The following ARHGAP15 variants were observed in gnomAD, a reference collection of about 807,000 sequenced individuals.
ARHGAP15 encodes rho GTPase-activating protein 15.
Under a neutral mutation model 63.7 loss-of-function variants are expected in ARHGAP15, and 51 were observed. The ratio of observed to expected loss-of-function variants is 0.80; its 90% CI spans 0.64 to 1.01. The LOEUF is 1.01. ARHGAP15 is among the 50% of genes least tolerant of loss of function. The pLI is 0.00. For synonymous variants in ARHGAP15, 191 were observed against 193.8 expected (o/e 0.99, Z 0.12); for missense variants, 560 against 564.6 (o/e 0.99, Z 0.08).
intron 4 of ARHGAP15, among the ~76,000 whole-genome samples, chr2:143,217,630 GAAC>G (rs929447659): frequency 2.3e-4 from 35 of 152,058 alleles, no homozygotes; most frequent in African/African-American, 8.0e-4. Context: ...GGTTCTGAAG[GAAC>G]AACAGGAGGA....
At chr2:143,132,507 G>A (rs1573986835) in intron 1 of ARHGAP15, among the ~76,000 whole-genome samples, 1 of 152,204 alleles carries the variant, frequency 6.6e-6, no homozygotes, top group Admixed American at 6.5e-5. Flanking sequence ...CTTTTCCCCA[G>A]TCACCACAGC....
At chr2:143,237,918 G>T (rs940796694) in intron 5 of ARHGAP15, 1 of 151,892 alleles carries the variant, frequency 6.6e-6, no homozygotes, top group Non-Finnish European at 1.5e-5. Context: ...TTTTTAATCA[G>T]AGCCAACAAC....
intron 6 of ARHGAP15, among the ~76,000 whole-genome samples, chr2:143,399,440 T>C (rs1687906997): frequency 6.6e-6 from 1 of 152,136 alleles, no homozygotes; most frequent in East Asian, 1.9e-4. Flanking sequence ...AGGTTTCTTT[T>C]GTTGTTTAAT....
rs541767611 is a variant in ARHGAP15, at chr2:143,559,304, C to T, written c.1003+2819C>T. Among the ~76,000 whole-genome samples the T allele has an allele frequency of 7.2e-5, 11 of 152,282 alleles. No individual in the cohort carries two copies. The South Asian group carries it at 1.0e-3, about 14-fold the overall frequency. On this transcript the variant is annotated intron_variant, in intron 11 of 13. Transcript: ENST00000295095. Reference sequence around the variant, plus strand: ...ATGAAAATATGAAATCTGTCCATCTCGTCTTTTGCAATCCAAACTTCAGCG... The same window carrying T: ...ATGAAAATATGAAATCTGTCCATCTTGTCTTTTGCAATCCAAACTTCAGCG...
At chr2:143,742,346 G>A (rs989054027) in intron 13 of ARHGAP15, among the ~76,000 whole-genome samples, 3 of 152,186 alleles carry the variant, frequency 2.0e-5, no homozygotes, top group Non-Finnish European at 2.9e-5. Context: ...CAGGATATCC[G>A]TGCTTCCAGA....
chr2:143,453,967 C>A (rs992264822), intron 8 of ARHGAP15, among the ~76,000 whole-genome samples: 2 of 151,866 alleles, frequency 1.3e-5, no homozygotes, highest in Admixed American at 1.3e-4. Flanking sequence ...TAAACTTTGG[C>A]AATAGAATGT....
intron 2 of ARHGAP15, among the ~76,000 whole-genome samples, chr2:143,179,034 G>A (rs932823740): frequency 9.8e-5 from 15 of 152,294 alleles, no homozygotes; most frequent in African/African-American, 3.6e-4. Flanking sequence ...CCATGCTAAG[G>A]TGCATGCAAT....
chr2:143,612,364 T>A (rs1183615440), intron 11 of ARHGAP15, among the ~76,000 whole-genome samples: 1 of 152,212 alleles, frequency 6.6e-6, no homozygotes, highest in Non-Finnish European at 1.5e-5. Context: ...CACAGCCAGT[T>A]GCATCCAAAA....
chr2:143,696,623 A>G (rs1395339704), intron 12 of ARHGAP15, among the ~76,000 whole-genome samples: 1 of 152,174 alleles, frequency 6.6e-6, no homozygotes, highest in African/African-American at 2.4e-5. Flanking sequence ...ACTTATGCCA[A>G]TTAATTGGCC....
chr2:143,397,367 T>C (rs1687813800), intron 6 of ARHGAP15, among the ~76,000 whole-genome samples: 1 of 151,406 alleles, frequency 6.6e-6, no homozygotes. Flanking sequence ...TCTCCAACCT[T>C]AGTTTCATGT....
intron 8 of ARHGAP15, among the ~76,000 whole-genome samples, chr2:143,447,094 G>A (rs10172323): frequency 6.6e-6 from 1 of 152,062 alleles, no homozygotes; most frequent in African/African-American, 2.4e-5. Flanking sequence ...ACATACGTGT[G>A]CATGTGTCTT....
intron 12 of ARHGAP15, among the ~76,000 whole-genome samples, chr2:143,649,832 CAGAGCTCCA>C (rs66900745): frequency 0.25 from 37,886 of 151,498 alleles, 5,846 homozygotes; most frequent in Admixed American, 0.36. Flanking sequence ...AACTAGAACT[CAGAGCTCCA>C]CCCATTTTAC....
chr2:143,406,103 G>A lies in ARHGAP15; in HGVS notation c.475-29498G>A, dbSNP rs189613695. ...TCTTTTTCAATTGTACCAATGATGA[G>A]CATCTTACATGTCTTTTGTTGTTTT... is the stretch of plus-strand genomic sequence containing the variant. On this transcript the variant is annotated intron_variant, in intron 6 of 13. Transcript: ENST00000295095. 2.0e-3 allele frequency among the ~76,000 whole-genome samples: 305 copies of A among 151,822 alleles called. 2 individuals are homozygous for A. Among genetic ancestry groups the A allele is most frequent in the African/African-American group, 7.2e-3 (299 of 41,488 alleles).
chr2:143,588,099 T>C (rs1334751886), intron 11 of ARHGAP15, among the ~76,000 whole-genome samples: 2 of 152,148 alleles, frequency 1.3e-5, no homozygotes, highest in Non-Finnish European at 2.9e-5. Context: ...TAATATAAAT[T>C]CCTCCCACTC....
At chr2:143,131,898 C>T (rs1046959356) in intron 1 of ARHGAP15, among the ~76,000 whole-genome samples, 1 of 151,956 alleles carries the variant, frequency 6.6e-6, no homozygotes, top group Non-Finnish European at 1.5e-5. Context: ...CATTTAAACA[C>T]AGAATTTCTG....
chr2:143,658,930 T>C (rs1681599371), intron 12 of ARHGAP15, among the ~76,000 whole-genome samples: 1 of 152,194 alleles, frequency 6.6e-6, no homozygotes, highest in African/African-American at 2.4e-5. Context: ...AGTCCTATAA[T>C]AGATCACTGA....
chr2:143,194,258 T>G (rs1210729751), intron 2 of ARHGAP15, among the ~76,000 whole-genome samples: 1 of 152,230 alleles, frequency 6.6e-6, no homozygotes, highest in Non-Finnish European at 1.5e-5. Context: ...ACTTTAGTTG[T>G]GGATAAAATA....
chr2:143,367,097 ACTT>A (rs1051998693), intron 6 of ARHGAP15, among the ~76,000 whole-genome samples: 8 of 152,048 alleles, frequency 5.3e-5, no homozygotes, highest in Non-Finnish European at 1.0e-4. Context: ...GTAAAAGAAA[ACTT>A]CTTCAATTGA....
At chr2:143,170,947 A>C (rs1038155492) in intron 2 of ARHGAP15, among the ~76,000 whole-genome samples, 2 of 152,314 alleles carry the variant, frequency 1.3e-5, no homozygotes, top group East Asian at 3.9e-4. Flanking sequence ...ATAAGCATTT[A>C]ATTTTTTTCA....
Sources: gnomAD v4.1 joint callset for allele counts (sites outside exome capture counted in the v4.1 genomes callset) on GRCh38, gnomAD v4.1.1 for gene constraint, MANE v1.5 for transcripts, NCBI Gene and HGNC (gene_info 2026-07-23, HGNC 2026-07-21) for gene names.